GPM6B: variants seen among roughly 807,000 people sequenced by gnomAD.
GPM6B encodes the protein glycoprotein M6B, also known as neuronal membrane glycoprotein M6-b.
In GPM6B, 4 loss-of-function variants were observed where a neutral mutation model predicts 27.2. The observed-to-expected ratio is 0.15, with a 90% confidence interval of 0.07 to 0.34. GPM6B has a LOEUF of 0.34. Ranked by LOEUF, GPM6B falls within the 10% of genes least tolerant of loss-of-function variation. The pLI is 1.00. For missense variants in GPM6B, 183 were observed against 261.9 expected (o/e 0.70, Z 2.08); for synonymous variants, 124 against 103.1 (o/e 1.20, Z -1.23).
chrX:13,855,638 T>A (rs979151442), intron 1 of GPM6B, among the ~76,000 whole-genome samples: 2 of 112,252 alleles, frequency 1.8e-5, no homozygotes, highest in African/African-American at 6.5e-5. Flanking sequence ...ATAATCAGTG[T>A]ACGGTCAAGT....
intron 4 of GPM6B, among the ~76,000 whole-genome samples, chrX:13,780,727 G>A (rs966384781): frequency 9.0e-6 from 1 of 111,638 alleles, no homozygotes; most frequent in African/African-American, 3.3e-5. Flanking sequence ...ATAGAATCCC[G>A]TTGCTTGGCT....
intron 1 of GPM6B, among the ~76,000 whole-genome samples, chrX:13,893,531 T>A (rs1218877095): frequency 8.9e-6 from 1 of 112,400 alleles, no homozygotes; most frequent in African/African-American, 3.2e-5. Context: ...TTCTTTTCCC[T>A]GCTCTGTATC....
At position 13,913,804 on chromosome X, in the gene GPM6B, T is replaced by G. The variant is rs965738401; in HGVS notation, c.-198+24523A>C. Among the ~76,000 whole-genome samples, 51 of 111,589 alleles carry G rather than the reference T, an allele frequency of 4.6e-4. 1 individual carries two copies. The highest frequency in any genetic ancestry group is 1.6e-3 in the African/African-American group (49 of 30,662). On this transcript the variant is annotated intron_variant, in intron 1 of 6. Transcript: ENST00000398361. ...TCTCATTCTGTTGCCCAGGTTGGAG[T>G]GCAGTGGCATGAACACGGCTCTCCA...
At chrX:13,838,254 G>A (rs962417855) in intron 1 of GPM6B, among the ~76,000 whole-genome samples, 2 of 111,970 alleles carry the variant, frequency 1.8e-5, no homozygotes, top group African/African-American at 6.5e-5. Context: ...TGCTAAAGAT[G>A]AGTTCTAAAA....
At chrX:13,867,704 C>A (rs990170616) in intron 1 of GPM6B, among the ~76,000 whole-genome samples, 17 of 111,580 alleles carry the variant, frequency 1.5e-4, no homozygotes, top group African/African-American at 5.5e-4. Context: ...GAAAGGAAGA[C>A]AAACCAGAAA....
chrX:13,853,624 C>T (rs1180567635), intron 1 of GPM6B, among the ~76,000 whole-genome samples: 2 of 85,082 alleles, frequency 2.4e-5, no homozygotes, highest in African/African-American at 8.2e-5. Flanking sequence ...GGGAAAAAGA[C>T]ACACGTGGAG....
At chrX:13,802,402 T>C (rs917315493) in intron 2 of GPM6B, among the ~76,000 whole-genome samples, 4 of 111,617 alleles carry the variant, frequency 3.6e-5, no homozygotes, top group Admixed American at 1.9e-4. Flanking sequence ...CAAAGGGAGC[T>C]GATATGTCAC....
chrX:13,886,605 C>T (rs377647094), intron 1 of GPM6B, among the ~76,000 whole-genome samples: 9 of 105,612 alleles, frequency 8.5e-5, no homozygotes, highest in East Asian at 6.0e-4. Context: ...CCTAAGCAGT[C>T]GTTCTTCTGC....
chrX:13,910,408 CA>C (rs1272675952), intron 1 of GPM6B, among the ~76,000 whole-genome samples: 1 of 112,840 alleles, frequency 8.9e-6, no homozygotes, highest in East Asian at 2.8e-4. Flanking sequence ...CATTTCCCCT[CA>C]TCCAAAAAGA....
chrX:13,822,800 A>G (rs2147206647), intron 1 of GPM6B, among the ~76,000 whole-genome samples: 1 of 112,088 alleles, frequency 8.9e-6, no homozygotes, highest in East Asian at 2.8e-4. Flanking sequence ...ATTCTTAAAT[A>G]GTAGACAGAA....
intron 1 of GPM6B, among the ~76,000 whole-genome samples, chrX:13,812,044 C>CTTTTTTTTTTTTTTTTTTTTTTT (rs752162419): frequency 1.2e-5 from 1 of 82,667 alleles, no homozygotes. Flanking sequence ...CTTTTCTTTT[C>CTTTTTTTTTTTTTTTTTTTTTTT]TTTCTTTTTT....
intron 1 of GPM6B, among the ~76,000 whole-genome samples, chrX:13,930,386 G>A (rs977355191): frequency 3.7e-4 from 41 of 110,343 alleles, no homozygotes; most frequent in South Asian, 1.6e-3. Flanking sequence ...AGGCCGAGGC[G>A]GGCAGATCAC....
At chrX:13,801,661 C>T (rs1220348747) in intron 2 of GPM6B, among the ~76,000 whole-genome samples, 2 of 111,530 alleles carry the variant, frequency 1.8e-5, no homozygotes, top group Non-Finnish European at 3.8e-5. Flanking sequence ...TCACCAGCCT[C>T]GTCTGTCAAA....
At chrX:13,874,072 C>T (rs773325806) in intron 1 of GPM6B, among the ~76,000 whole-genome samples, 84 of 111,397 alleles carry the variant, frequency 7.5e-4, no homozygotes, top group Non-Finnish European at 1.3e-3. Context: ...CAATTTACAA[C>T]GGATATATTA....
chrX:13,821,565 C>A (rs766838127), upstream of GPM6B, among the ~76,000 whole-genome samples: 5 of 112,466 alleles, frequency 4.4e-5, no homozygotes, highest in South Asian at 1.9e-3. Context: ...TCATTAAGCA[C>A]TTATTAAAGG....
intron 1 of GPM6B, among the ~76,000 whole-genome samples, chrX:13,846,479 CTTTT>C (rs760173952): frequency 3.6e-5 from 4 of 110,256 alleles, no homozygotes; most frequent in African/African-American, 1.3e-4. Flanking sequence ...CCTCGACCAT[CTTTT>C]TTTTTATTTT....
chrX:13,848,453 G>C (rs1451191471), intron 1 of GPM6B, among the ~76,000 whole-genome samples: 1 of 112,167 alleles, frequency 8.9e-6, no homozygotes, highest in Non-Finnish European at 1.9e-5. Context: ...TGTGATGGAA[G>C]CCATTAAAGA....
chrX:13,830,702 G>A (rs185408399), intron 1 of GPM6B, among the ~76,000 whole-genome samples: 1 of 112,664 alleles, frequency 8.9e-6, no homozygotes, highest in South Asian at 3.6e-4. Flanking sequence ...TTGAAGGATG[G>A]TTGGTAAGAT....
At position 13,777,441 on chromosome X, in the gene GPM6B, C is replaced by T. The variant is rs1292648246; in HGVS notation, c.698-16G>A. The T allele has an allele frequency of 8.9e-7, 1 of 1,117,752 alleles. No individual in the cohort carries two copies. The highest frequency in any genetic ancestry group is 1.2e-6 in the Non-Finnish European group (1 of 809,807). 92.1% of individuals were successfully genotyped at this position (1,117,752 alleles called of 1,213,427 possible). On this transcript the variant is annotated splice_polypyrimidine_tract_variant and intron_variant, in intron 5 of 7. Transcript: ENST00000316715. ...GGAATGATACCTGTAAAATGAACCC[C>T]AATAGGATGTTAGTACAAACTATAG... is the stretch of plus-strand genomic sequence containing the variant.
Sources: gnomAD v4.1 joint callset for allele counts (sites outside exome capture counted in the v4.1 genomes callset) on GRCh38, gnomAD v4.1.1 for gene constraint, MANE v1.5 for transcripts, NCBI Gene and HGNC (gene_info 2026-07-23, HGNC 2026-07-21) for gene names.